Variants in CLIP3 observed in about 807,000 individuals in gnomAD.
CLIP3 encodes the protein CAP-Gly domain containing linker protein 3, also known as CAP-Gly domain-containing linker protein 3.
CLIP3 carries 15 observed loss-of-function variants against 59.4 expected under a neutral mutation model. That is an observed-to-expected ratio of 0.25 (90% CI 0.17 to 0.39). CLIP3 has a LOEUF of 0.39. Among genes scored for constraint, CLIP3 ranks in the 10% least tolerant of loss-of-function variants. CLIP3 has a pLI of 1.00. For synonymous variants in CLIP3, 300 were observed against 321.6 expected (o/e 0.93, Z 0.72); for missense variants, 495 against 765.7 (o/e 0.65, Z 4.17).
At position 36,016,043 on chromosome 19, in the gene CLIP3, GGGTCT is replaced by G; in HGVS notation, c.*110_*114del. 1 of 1,064,676 alleles carries G rather than the reference GGGTCT, an allele frequency of 9.4e-7. No homozygotes were observed. Among genetic ancestry groups the G allele is most frequent in the Non-Finnish European group, 1.4e-6 (1 of 699,082 alleles). 66.0% of individuals were successfully genotyped at this position (1,064,676 alleles called of 1,614,324 possible). ...TCAATGATCGAGGGCTGGCTAACAGGGGTCTCTACTCTGGATGTGTTACTGGGAAT... is the reference window on the plus strand; with the variant it reads ...TCAATGATCGAGGGCTGGCTAACAGGCTACTCTGGATGTGTTACTGGGAAT... On this transcript the variant is annotated 3_prime_UTR_variant, in exon 14 of 14. Coordinates refer to ENST00000360535, the MANE Select transcript of CLIP3 (RefSeq NM_015526.3). This position sits in a 1 kb window ranked among gnomAD's most constrained non-coding sequence, Gnocchi z 4.1.
At chr19:36,030,850 C>G (rs1337230798) in intron 2 of CLIP3, among the ~76,000 whole-genome samples, 1 of 152,164 alleles carries the variant, frequency 6.6e-6, no homozygotes, top group African/African-American at 2.4e-5. Context: ...ACTCTTTTTC[C>G]AGCTCTCTTA....
intron 6 of CLIP3, 26 bp from the exon 7 acceptor site, chr19:36,024,658 A>G (rs10403729): frequency 0.21 from 332,662 of 1,608,428 alleles, 40,241 homozygotes; most frequent in African/African-American, 0.43. Context: ...AAAAGAAGGC[A>G]GGGACTCAGT....
At chr19:36,027,333 A>C in intron 2 of CLIP3, 62 bp from the exon 3 acceptor site, 1 of 1,527,880 alleles carries the variant, frequency 6.5e-7, no homozygotes, top group African/African-American at 1.4e-5. Flanking sequence ...CAGCCTCAGT[A>C]GGGGAGCTGT....
chr19:36,026,119 A>T lies in CLIP3; in HGVS notation c.681+28T>A. The T allele has an allele frequency of 6.4e-7, 1 of 1,562,352 alleles. No individual in the cohort carries two copies. The highest frequency in any genetic ancestry group is 8.8e-7 in the Non-Finnish European group (1 of 1,134,496). ...TGGGGGAGGAAGGGAGCAGGAGGGT[A>T]ACGGGTTCTGGGCAAGGGTGGCAGT... On this transcript the variant is annotated intron_variant, in intron 6 of 13. Transcript: ENST00000360535. The surrounding 1 kb of genome is among the most constrained non-coding windows in gnomAD (Gnocchi z 6.3).
At position 36,015,287 on chromosome 19, in the gene CLIP3, A is replaced by G. The variant is rs1968763368; in HGVS notation, c.*871T>C. 6.6e-6 allele frequency: 1 copy of G among 152,166 alleles called. No individual in the cohort carries two copies. The highest frequency in any genetic ancestry group is 2.4e-5 in the African/African-American group (1 of 41,274). The allele number at this position is 152,166 out of a possible 1,614,324, so 9.4% of individuals were successfully genotyped here. The stretch of plus-strand genomic sequence containing the variant: ...ACTTGAGGGCACAGGGGAGTTTGGG[A>G]CGTGTGTACTCTAGGGTTTGGGATC... On this transcript the variant is annotated 3_prime_UTR_variant, in exon 14 of 14. Coordinates refer to ENST00000360535, the MANE Select transcript of CLIP3 (RefSeq NM_015526.3).
chr19:36,032,645 C>G lies in CLIP3; in HGVS notation c.-59+79G>C. On this transcript the variant is annotated intron_variant, in intron 1 of 13. Coordinates refer to ENST00000360535, the MANE Select transcript of CLIP3 (RefSeq NM_015526.3). This position sits in a 1 kb window ranked among gnomAD's most constrained non-coding sequence, Gnocchi z 4.3. ...CAGGCCCCTCAGTCGCGGCTGCCCC[C>G]TCCCCGGGTTTGTTTATCTCGGGAT... 1 of 297,026 alleles carries G rather than the reference C, an allele frequency of 3.4e-6. No homozygotes were observed. The highest frequency in any genetic ancestry group is 6.2e-6 in the Non-Finnish European group (1 of 161,858). The allele number at this position is 297,026 out of a possible 1,614,324, so 18.4% of individuals were successfully genotyped here.
chr19:36,030,962 C>T (rs966200960), intron 2 of CLIP3, among the ~76,000 whole-genome samples: 1 of 150,214 alleles, frequency 6.7e-6, no homozygotes, highest in Non-Finnish European at 1.5e-5. Context: ...TAGTCATTAT[C>T]GTATCTCCAC....
chr19:36,018,169 C>T (rs995384263), intron 9 of CLIP3, among the ~76,000 whole-genome samples, 178 bp from the exon 10 acceptor site: 3 of 152,074 alleles, frequency 2.0e-5, no homozygotes, highest in Non-Finnish European at 4.4e-5. Context: ...AGTCAGAGAA[C>T]CTGAAGAACC....
rs1968789923 is a variant in CLIP3, at chr19:36,016,092, C to T, written c.*66G>A. 2 of 1,566,668 alleles carry T rather than the reference C, an allele frequency of 1.3e-6. No individual in the cohort carries two copies. Among genetic ancestry groups the T allele is most frequent in the East Asian group, 4.5e-5 (2 of 44,552 alleles). ...TGGGAATCTCTATCTCAGGGTGACT[C>T]AGGGCTCCTCGGGTGTCAGGAGATG... On this transcript the variant is annotated 3_prime_UTR_variant, in exon 14 of 14. Coordinates refer to ENST00000360535, the MANE Select transcript of CLIP3 (RefSeq NM_015526.3). The surrounding 1 kb of genome is among the most constrained non-coding windows in gnomAD (Gnocchi z 4.1).
intron 2 of CLIP3, among the ~76,000 whole-genome samples, chr19:36,029,865 A>G (rs1015775104): frequency 6.6e-6 from 1 of 151,982 alleles, no homozygotes; most frequent in African/African-American, 2.4e-5. Flanking sequence ...CCACATTTCC[A>G]GATTTCTTCA....
chr19:36,025,155 T>A (rs891712688), intron 6 of CLIP3, among the ~76,000 whole-genome samples: 1 of 151,054 alleles, frequency 6.6e-6, no homozygotes, highest in Non-Finnish European at 1.5e-5. Flanking sequence ...TGGGGGTGTG[T>A]CAAGTAATTG....
intron 7 of CLIP3, among the ~76,000 whole-genome samples, chr19:36,022,634 G>A (rs143332267): frequency 4.6e-4 from 70 of 152,320 alleles, no homozygotes; most frequent in African/African-American, 1.6e-3. Context: ...AATGCTTTCT[G>A]GATGGGGCCG....
At chr19:36,020,915 G>A (rs1368462847) in intron 7 of CLIP3, among the ~76,000 whole-genome samples, 2 of 151,892 alleles carry the variant, frequency 1.3e-5, no homozygotes, top group Admixed American at 6.6e-5. Flanking sequence ...GTGCAGTGGT[G>A]CAATCATAGC....
In CLIP3 at chr19:36,016,573, C is replaced by T. The variant is rs1286459954; in HGVS notation, c.1589+334G>A. Reference sequence around the variant, plus strand: ...ATGTTGGCCAGGCTGGTCTTGAACTCCTGACCTCAGGTGATCCGCCTGCCT... The same window carrying T: ...ATGTTGGCCAGGCTGGTCTTGAACTTCTGACCTCAGGTGATCCGCCTGCCT... On this transcript the variant is annotated intron_variant, in intron 13 of 13. Coordinates refer to ENST00000360535, the MANE Select transcript of CLIP3 (RefSeq NM_015526.3). The surrounding 1 kb of genome is among the most constrained non-coding windows in gnomAD (Gnocchi z 4.1). Among the ~76,000 whole-genome samples the T allele has an allele frequency of 6.6e-6, 1 of 152,202 alleles. No homozygotes were observed. Among genetic ancestry groups the T allele is most frequent in the Non-Finnish European group, 1.5e-5 (1 of 68,038 alleles).
chr19:36,018,985 C>T lies in CLIP3; in HGVS notation c.1096G>A (p.Ala366Thr), dbSNP rs1479092280. ...GTGGAGGTGACAGAGGAGGGGGGTG[C>T]GTCCACTGCCTTGGAGATCTTGGAC... Reference protein sequence around the residue: ...SVSKISKAVDAPPSSVTSTPR... With the variant: ...SVSKISKAVDTPPSSVTSTPR... Residue 366 changes from alanine to threonine, a missense_variant, in exon 9 of 14, where the codon GCA becomes ACA. Physicochemically the swap from Ala to Thr is moderately conservative, Grantham distance 58 (BLOSUM62 0). Transcript: ENST00000360535. 2.5e-6 allele frequency: 4 copies of T among 1,601,532 alleles called. No individual in the cohort carries two copies. Among genetic ancestry groups the T allele is most frequent in the Non-Finnish European group, 2.6e-6 (3 of 1,174,044 alleles).
chr19:36,031,260 G>A (rs866991447), intron 2 of CLIP3, among the ~76,000 whole-genome samples: 3 of 151,796 alleles, frequency 2.0e-5, no homozygotes, highest in South Asian at 2.1e-4. Flanking sequence ...CAGGTGATCC[G>A]CTGGCCTCAG....
At chr19:36,023,526 T>C (rs1370042999) in intron 7 of CLIP3, among the ~76,000 whole-genome samples, 1 of 151,926 alleles carries the variant, frequency 6.6e-6, no homozygotes, top group Admixed American at 6.6e-5. Flanking sequence ...AATCCAAACA[T>C]GTAATGGTGT....
At chr19:36,028,755 G>A (rs1244247336) in intron 2 of CLIP3, among the ~76,000 whole-genome samples, 2 of 151,992 alleles carry the variant, frequency 1.3e-5, no homozygotes, top group East Asian at 1.9e-4. Flanking sequence ...TCAGTTCTCA[G>A]CCCTCTCCCC....
At chr19:36,024,822 G>A (rs376601355) in intron 6 of CLIP3, among the ~76,000 whole-genome samples, 190 bp from the exon 7 acceptor site, 8 of 152,294 alleles carry the variant, frequency 5.3e-5, no homozygotes, top group Middle Eastern at 3.4e-3. Context: ...ATCCCAGTAC[G>A]TTGTGAGGCC....
Sources: gnomAD v4.1 joint callset for allele counts (sites outside exome capture counted in the v4.1 genomes callset) on GRCh38, gnomAD v4.1.1 for gene constraint, Gnocchi (gnomAD v3.1) non-coding constraint, MANE v1.5 for transcripts, NCBI Gene and HGNC (gene_info 2026-07-23, HGNC 2026-07-21) for gene names.